NEIL3: variants seen among roughly 807,000 people sequenced by gnomAD.
The protein encoded by NEIL3 is endonuclease 8-like 3.
Under a neutral mutation model 57.5 loss-of-function variants are expected in NEIL3, and 48 were observed. That is an observed-to-expected ratio of 0.83 (90% confidence interval 0.66 to 1.06). The LOEUF (loss-of-function observed/expected upper bound fraction) is 1.06. Among genes scored for constraint, NEIL3 ranks in the 50% least tolerant of loss-of-function variants. NEIL3 has a pLI of 0.00. For missense variants in NEIL3, 717 were observed against 739.1 expected (o/e 0.97, Z 0.35); for synonymous variants, 261 against 253.2 (o/e 1.03, Z -0.29).
intron 9 of NEIL3, among the ~76,000 whole-genome samples, chr4:177,361,162 C>T (rs1172265974): frequency 6.6e-6 from 1 of 152,122 alleles, no homozygotes; most frequent in Admixed American, 6.6e-5. Flanking sequence ...GTGATGGCAC[C>T]ATAGCAATTT....
chr4:177,338,751 G>T (rs1461019795), intron 4 of NEIL3, among the ~76,000 whole-genome samples: 1 of 152,222 alleles, frequency 6.6e-6, no homozygotes, highest in Non-Finnish European at 1.5e-5. Context: ...ATTAATGCAT[G>T]TATAGAAATG....
At chr4:177,313,259 T>G (rs13151155) in intron 1 of NEIL3, among the ~76,000 whole-genome samples, 31,794 of 152,168 alleles carry the variant, frequency 0.21, 3,590 homozygotes, top group Non-Finnish European at 0.27. Context: ...TCAGTAGTTA[T>G]TGCCATAATG....
In NEIL3 at chr4:177,333,990, T is replaced by C. The variant is rs35060073; in HGVS notation, c.279-1698T>C. ...TTCTATTATGCAGAGTGAATTGTCT[T>C]GGGTAACCTTTTGGGTTGGTAGAAG... On this transcript the variant is annotated intron_variant, in intron 2 of 9. Coordinates refer to ENST00000264596, the MANE Select transcript of NEIL3 (RefSeq NM_018248.3). 8.8e-3 allele frequency among the ~76,000 whole-genome samples: 1,332 copies of C among 152,214 alleles called. 18 individuals are homozygous for C. Among genetic ancestry groups the C allele is most frequent in the African/African-American group, 0.03 (1,263 of 41,534 alleles).
chr4:177,362,499 T>A lies in NEIL3; in HGVS notation c.*28T>A, dbSNP rs766305077. ...TCTGTAGATTCTCTGGCATTTAGTC[T>A]CTTCAAACTGTGTATAATGTTTGGT... On this transcript the variant is annotated 3_prime_UTR_variant, in exon 10 of 10. Transcript: ENST00000264596. The A allele has an allele frequency of 9.1e-6, 14 of 1,546,616 alleles. No homozygotes were observed. In the East Asian group the frequency reaches 3.1e-4, roughly 35 times the overall value.
intron 4 of NEIL3, among the ~76,000 whole-genome samples, chr4:177,338,799 C>T (rs746202383): frequency 6.6e-6 from 1 of 152,106 alleles, no homozygotes; most frequent in Non-Finnish European, 1.5e-5. Context: ...CCTTGGTGGT[C>T]ATCTACTCCT....
At chr4:177,337,089 G>A (rs1734992957) in intron 4 of NEIL3, among the ~76,000 whole-genome samples, 1 of 149,296 alleles carries the variant, frequency 6.7e-6, no homozygotes, top group Non-Finnish European at 1.5e-5. Flanking sequence ...TTATTTATAT[G>A]TTGCAAAAAA....
At chr4:177,358,885 A>T (rs1252612695) in intron 8 of NEIL3, among the ~76,000 whole-genome samples, 1 of 152,164 alleles carries the variant, frequency 6.6e-6, no homozygotes, top group Non-Finnish European at 1.5e-5. Context: ...TTGTGTCCAC[A>T]CAATTTTTAA....
At chr4:177,334,106 T>C (rs1263728073) in intron 2 of NEIL3, among the ~76,000 whole-genome samples, 1 of 151,832 alleles carries the variant, frequency 6.6e-6, no homozygotes. Context: ...CCTAAAAATG[T>C]CTTTTCTTTA....
chr4:177,326,201 A>T (rs1023260860), intron 2 of NEIL3, among the ~76,000 whole-genome samples: 2 of 151,950 alleles, frequency 1.3e-5, no homozygotes, highest in Non-Finnish European at 2.9e-5. Flanking sequence ...TAGGATTATG[A>T]TCTATTTTGA....
chr4:177,330,670 A>T (rs180783721), intron 2 of NEIL3, among the ~76,000 whole-genome samples: 2 of 152,204 alleles, frequency 1.3e-5, no homozygotes, highest in African/African-American at 4.8e-5. Context: ...CATGGGAGAC[A>T]TATATATAAT....
intron 1 of NEIL3, among the ~76,000 whole-genome samples, chr4:177,321,667 T>C (rs1046872791): frequency 6.6e-6 from 1 of 152,202 alleles, no homozygotes; most frequent in African/African-American, 2.4e-5. Context: ...TAACAATATA[T>C]TGTTTGGTTT....
At chr4:177,365,095 A>G (rs1353417162), downstream of NEIL3, among the ~76,000 whole-genome samples, 1 of 152,146 alleles carries the variant, frequency 6.6e-6, no homozygotes, top group Non-Finnish European at 1.5e-5. Context: ...TTTTGTTATA[A>G]CTATGAGAAA....
At chr4:177,369,390 T>C in the NEIL3 span, among the ~76,000 whole-genome samples, 327 of 152,020 alleles carry the variant, frequency 2.2e-3, 1 homozygote, top group Admixed American at 3.9e-3. Context: ...TGAAGGAAAA[T>C]GGGGAGATAA....
chr4:177,310,337 T>A (rs987942421), intron 1 of NEIL3, among the ~76,000 whole-genome samples: 24 of 152,228 alleles, frequency 1.6e-4, no homozygotes, highest in African/African-American at 5.5e-4. Context: ...CGGAGCAAGA[T>A]GCCCTAGGGG....
At chr4:177,353,085 G>A (rs1031017774) in intron 7 of NEIL3, among the ~76,000 whole-genome samples, 2 of 152,048 alleles carry the variant, frequency 1.3e-5, no homozygotes, top group African/African-American at 4.8e-5. Context: ...ACCCATGTCT[G>A]GGTTTCTGTA....
At chr4:177,310,186 TA>T in intron 1 of NEIL3, 77 bp downstream of exon 1, 2 of 1,375,710 alleles carry the variant, frequency 1.5e-6, no homozygotes, top group Non-Finnish European at 1.9e-6. Context: ...TTCCAGGATT[TA>T]AAGTGTCATC....
At chr4:177,338,844 A>G (rs1735028624) in intron 4 of NEIL3, among the ~76,000 whole-genome samples, 1 of 151,040 alleles carries the variant, frequency 6.6e-6, no homozygotes, top group African/African-American at 2.4e-5. Context: ...TCTGTTTTAT[A>G]TTGTTCTTGG....
chr4:177,345,712 C>CA (rs1180702317), intron 6 of NEIL3, among the ~76,000 whole-genome samples: 1 of 103,622 alleles, frequency 9.7e-6, no homozygotes, highest in African/African-American at 3.8e-5. Context: ...TTTCTTGAGA[C>CA]AGAGTCTCAA....
Position 177,353,497 on chromosome 4 carries a change from A to G in NEIL3, c.1229A>G (p.Gln410Arg), listed in dbSNP as rs1444754201. 6.2e-7 allele frequency: 1 copy of G among 1,613,890 alleles called. No individual in the cohort carries two copies. The highest frequency in any genetic ancestry group is 8.5e-7 in the Non-Finnish European group (1 of 1,179,856). Residue 410 changes from glutamine to arginine, a missense_variant, in exon 8 of 10, where the codon CAG (glutamine) becomes CGG (arginine). Physicochemically the swap from Gln to Arg is conservative, Grantham distance 43. Coordinates refer to ENST00000264596, the MANE Select transcript of NEIL3 (RefSeq NM_018248.3). ...TTGGAAAGAAAAACAAAGCAAAACC[A>G]GATACTAGATGAGGAGTTTCAAAAC... ...STLERKTKQN[Q>R]ILDEEFQNSP...
Sources: allele counts gnomAD v4.1 joint callset (sites outside exome capture counted in the v4.1 genomes callset), GRCh38; gene constraint gnomAD v4.1.1; transcripts MANE v1.5; gene names NCBI Gene and HGNC (gene_info 2026-07-23, HGNC 2026-07-21).